Variants in TCF12 observed in about 807,000 individuals in gnomAD.
TCF12 encodes DNA-binding protein HTF4.
In TCF12, 45 loss-of-function variants were observed where a neutral mutation model predicts 86.0. The ratio of observed to expected loss-of-function variants is 0.52; its 90% CI spans 0.41 to 0.67. The LOEUF is 0.67. TCF12 is among the 30% of genes least tolerant of loss of function. The pLI, the probability that TCF12 is intolerant of heterozygous loss-of-function variation, is 0.00. For missense variants in TCF12, 881 were observed against 859.9 expected (o/e 1.02, Z -0.31); for synonymous variants, 330 against 299.6 (o/e 1.10, Z -1.05).
At chr15:57,118,961 A>G (rs1410753169) in intron 5 of TCF12, among the ~76,000 whole-genome samples, 1 of 152,176 alleles carries the variant, frequency 6.6e-6, no homozygotes, top group Admixed American at 6.5e-5. Context: ...TTTTCCCCCA[A>G]AGGATATAAT....
chr15:57,243,452 A>G lies in TCF12; in HGVS notation c.1036-20A>G, dbSNP rs542601766. 1 of 1,604,648 alleles carries G rather than the reference A, an allele frequency of 6.2e-7. No individual in the cohort carries two copies. Among genetic ancestry groups the G allele is most frequent in the African/African-American group, 1.3e-5 (1 of 74,746 alleles). ...TGTTGTCACATGTTGATACATGTAT[A>G]TTTCTTGTTTTCTGGTTAGATTTAT... On this transcript the variant is annotated intron_variant, in intron 12 of 20. Transcript: ENST00000333725.
chr15:57,228,352 A>G (rs2058980825), intron 8 of TCF12, among the ~76,000 whole-genome samples: 1 of 152,076 alleles, frequency 6.6e-6, no homozygotes. Context: ...TGAAAGCCAT[A>G]TATTTCAAAA....
At chr15:57,186,452 T>G (rs1432891837) in intron 6 of TCF12, among the ~76,000 whole-genome samples, 1 of 152,176 alleles carries the variant, frequency 6.6e-6, no homozygotes, top group Non-Finnish European at 1.5e-5. Context: ...TGAGCCATCA[T>G]TGAGCCACTG....
At chr15:57,022,572 G>T (rs1264920511) in intron 3 of TCF12, among the ~76,000 whole-genome samples, 2 of 152,126 alleles carry the variant, frequency 1.3e-5, no homozygotes, top group Non-Finnish European at 2.9e-5. Flanking sequence ...AATCCTTTGG[G>T]TATATACCCA....
intron 3 of TCF12, among the ~76,000 whole-genome samples, chr15:57,039,523 T>G (rs971474009): frequency 6.6e-6 from 1 of 152,228 alleles, no homozygotes; most frequent in African/African-American, 2.4e-5. Flanking sequence ...TGTTTTCTGG[T>G]CACTGGTTTT....
chr15:57,241,085 A>C (rs2059604485), intron 12 of TCF12, among the ~76,000 whole-genome samples: 1 of 150,644 alleles, frequency 6.6e-6, no homozygotes, highest in African/African-American at 2.5e-5. Context: ...ACAACTTAAA[A>C]ACCAATAATA....
chr15:57,030,633 C>T (rs2066111261), intron 3 of TCF12, among the ~76,000 whole-genome samples: 1 of 152,006 alleles, frequency 6.6e-6, no homozygotes, highest in South Asian at 2.1e-4. Flanking sequence ...GGAAAACTAT[C>T]GCCCATTGTC....
chr15:57,141,116 A>T (rs1323557966), intron 5 of TCF12, among the ~76,000 whole-genome samples: 2 of 152,184 alleles, frequency 1.3e-5, no homozygotes, highest in Non-Finnish European at 2.9e-5. Flanking sequence ...CAGATATTTA[A>T]ATCAGGCTAT....
chr15:57,028,646 AG>A (rs1341132081), intron 3 of TCF12, among the ~76,000 whole-genome samples: 1 of 152,108 alleles, frequency 6.6e-6, no homozygotes, highest in African/African-American at 2.4e-5. Context: ...TTGTCTGAAT[AG>A]TCTTTTGAGG....
At chr15:57,228,768 TAC>T (rs35205373) in intron 8 of TCF12, among the ~76,000 whole-genome samples, 59,250 of 151,666 alleles carry the variant, frequency 0.39, 14,423 homozygotes, top group Non-Finnish European at 0.54. Flanking sequence ...GTGTGTGAAA[TAC>T]AGCGAATTGA....
At chr15:57,034,954 A>G (rs1330574558) in intron 3 of TCF12, among the ~76,000 whole-genome samples, 2 of 152,238 alleles carry the variant, frequency 1.3e-5, no homozygotes, top group Middle Eastern at 6.8e-3. Context: ...ATAATTTCCC[A>G]TTTTCTGGGT....
chr15:57,101,422 G>C (rs2049739636), intron 5 of TCF12, among the ~76,000 whole-genome samples: 1 of 152,104 alleles, frequency 6.6e-6, no homozygotes. Context: ...CGCTGCCCAG[G>C]CTGGTCCGAA....
At chr15:57,219,377 A>C in intron 8 of TCF12, 1 of 1,305,982 alleles carries the variant, frequency 7.7e-7, no homozygotes. Context: ...GAGTTGGTTC[A>C]GTCCTATTTT....
chr15:57,268,689 A>G (rs6493907), intron 18 of TCF12, among the ~76,000 whole-genome samples: 42,382 of 152,158 alleles, frequency 0.28, 7,292 homozygotes, highest in African/African-American at 0.48. Flanking sequence ...AGAACTTTCT[A>G]TAAGCTGTTA....
intron 8 of TCF12, among the ~76,000 whole-genome samples, chr15:57,202,865 A>C (rs961865249): frequency 1.3e-5 from 2 of 152,180 alleles, no homozygotes; most frequent in African/African-American, 2.4e-5. Context: ...TGTACCTACT[A>C]TAAGTGTGGT....
At chr15:56,938,667 A>AT (rs2060592921) in intron 3 of TCF12, among the ~76,000 whole-genome samples, 3 of 130,696 alleles carry the variant, frequency 2.3e-5, no homozygotes, top group Non-Finnish European at 3.3e-5. Context: ...TTTAGTGGTA[A>AT]TTTTTTTATT....
At chr15:57,041,846 A>T (rs191216225) in intron 3 of TCF12, among the ~76,000 whole-genome samples, 7 of 152,178 alleles carry the variant, frequency 4.6e-5, no homozygotes, top group African/African-American at 1.7e-4. Flanking sequence ...GTTAAAATCC[A>T]TTTGTTTACT....
At chr15:57,060,283 T>C (rs1596336911) in intron 3 of TCF12, among the ~76,000 whole-genome samples, 1 of 152,224 alleles carries the variant, frequency 6.6e-6, no homozygotes, top group African/African-American at 2.4e-5. Flanking sequence ...GTCTAGAATT[T>C]AATGTTCCTT....
chr15:56,926,866 A>G (rs1209630014), intron 3 of TCF12, among the ~76,000 whole-genome samples: 2 of 152,338 alleles, frequency 1.3e-5, no homozygotes, highest in East Asian at 1.9e-4. Flanking sequence ...GAGTTAATAC[A>G]TGTAAAGTTC....
Sources: gnomAD v4.1 joint callset for allele counts (sites outside exome capture counted in the v4.1 genomes callset) on GRCh38, gnomAD v4.1.1 for gene constraint, MANE v1.5 for transcripts, NCBI Gene and HGNC (gene_info 2026-07-23, HGNC 2026-07-21) for gene names.